Variants in CRB1 observed in about 807,000 individuals in gnomAD.
CRB1 encodes the protein crumbs cell polarity complex component 1.
CRB1 carries 83 observed loss-of-function variants against 120.0 expected under a neutral mutation model. The ratio of observed to expected loss-of-function variants is 0.69; its 90% CI spans 0.58 to 0.83. The LOEUF (loss-of-function observed/expected upper bound fraction) is 0.83. Ranked by LOEUF, CRB1 falls within the 40% of genes least tolerant of loss-of-function variation. The pLI is 0.00. For synonymous variants in CRB1, 625 were observed against 612.5 expected, an observed-to-expected ratio of 1.02 and a Z score of -0.30; for missense variants, 1,699 against 1,687.6, an observed-to-expected ratio of 1.01 and a Z score of -0.12.
rs1216212132 is a variant in CRB1 at position 197,328,585 on chromosome 1, C to G, written c.234C>G (p.Pro78=). The G allele has an allele frequency of 1.2e-6, 2 of 1,614,226 alleles. No homozygotes were observed. The highest frequency in any genetic ancestry group is 1.7e-6 in the Non-Finnish European group (2 of 1,180,030). ...DNMKDPCFSN[P]CQGSATCVNT... ...TGAAAGACCCTTGCTTCTCCAATCC[C>G]TGTCAAGGAAGTGCCACTTGTGTGA... is the stretch of plus-strand genomic sequence containing the variant. The change falls in exon 2 of 12, where the codon CCC becomes CCG. Residue 78 remains proline (P), a synonymous_variant. Coordinates refer to ENST00000367400, the MANE Select transcript of CRB1 (RefSeq NM_201253.3).
intron 5 of CRB1, among the ~76,000 whole-genome samples, chr1:197,397,753 A>T (rs916109050): frequency 6.6e-6 from 1 of 152,190 alleles, no homozygotes; most frequent in African/African-American, 2.4e-5. Flanking sequence ...GCATCTGGAA[A>T]GGGTAAAATT....
upstream of CRB1, among the ~76,000 whole-genome samples, chr1:197,265,620 A>G (rs949241373): frequency 6.6e-6 from 1 of 152,202 alleles, no homozygotes. Flanking sequence ...TGTTTCTTGT[A>G]TAGGTGCCCT....
At chr1:197,438,805 A>G in intron 10 of CRB1, 130 bp downstream of exon 10, 1 of 1,136,432 alleles carries the variant, frequency 8.8e-7, no homozygotes, top group Non-Finnish European at 1.3e-6. Flanking sequence ...ATAGAGGTTC[A>G]GACAGAATGA....
At chr1:197,375,534 A>G (rs528793798) in intron 5 of CRB1, among the ~76,000 whole-genome samples, 5 of 152,124 alleles carry the variant, frequency 3.3e-5, no homozygotes, top group Non-Finnish European at 2.9e-5. Context: ...ACAACCAACA[A>G]GAATTGCAGT....
intron 5 of CRB1, among the ~76,000 whole-genome samples, chr1:197,397,584 G>A (rs1165057321): frequency 6.6e-6 from 1 of 152,066 alleles, no homozygotes; most frequent in East Asian, 1.9e-4. Flanking sequence ...GTTACTGAAT[G>A]GATAAACAGT....
intron 4 of CRB1, among the ~76,000 whole-genome samples, chr1:197,354,411 T>C (rs551545819): frequency 6.6e-5 from 10 of 151,948 alleles, no homozygotes; most frequent in Non-Finnish European, 1.5e-4. Context: ...TCGCAGTGAG[T>C]GTTACAGTTC....
chr1:197,254,158 T>A, the CRB1 span, among the ~76,000 whole-genome samples: 1,080 of 152,148 alleles, frequency 7.1e-3, 16 homozygotes, highest in African/African-American at 0.022. Flanking sequence ...GCCACCGCAC[T>A]TGTATTTGAT....
chr1:197,416,367 G>A (rs968964012), intron 5 of CRB1, among the ~76,000 whole-genome samples: 3 of 152,098 alleles, frequency 2.0e-5, no homozygotes, highest in African/African-American at 7.2e-5. Flanking sequence ...TGTTGCCTGA[G>A]TTTTATTCTC....
intron 11 of CRB1, among the ~76,000 whole-genome samples, chr1:197,475,906 GTTTTGT>G (rs946855326): frequency 5.3e-4 from 80 of 152,064 alleles, no homozygotes; most frequent in African/African-American, 1.0e-3. Flanking sequence ...TGCGTTTTAT[GTTTTGT>G]TTTTGTTTTT....
intron 4 of CRB1, among the ~76,000 whole-genome samples, chr1:197,350,085 C>T (rs977479483): frequency 2.1e-5 from 3 of 143,722 alleles, no homozygotes; most frequent in Admixed American, 7.2e-5. Flanking sequence ...CCGGCCTGGG[C>T]GACAGAGCGA....
At chr1:197,469,040 G>A (rs774692413) in intron 11 of CRB1, among the ~76,000 whole-genome samples, 1 of 151,972 alleles carries the variant, frequency 6.6e-6, no homozygotes, top group Admixed American at 6.6e-5. Context: ...TGAGGAAATG[G>A]GACTCATTAA....
At chr1:197,374,191 A>G (rs1171748198) in intron 5 of CRB1, among the ~76,000 whole-genome samples, 1 of 152,196 alleles carries the variant, frequency 6.6e-6, no homozygotes, top group African/African-American at 2.4e-5. Flanking sequence ...CCATCTAGAT[A>G]GATGCTGGGT....
At chr1:197,345,855 A>T (rs944227711) in intron 3 of CRB1, among the ~76,000 whole-genome samples, 2 of 152,188 alleles carry the variant, frequency 1.3e-5, no homozygotes, top group African/African-American at 2.4e-5. Context: ...TTTAAAATAT[A>T]ACTTTTAATT....
Position 197,349,629 on chromosome 1 carries a change from C to T in CRB1, c.988+2150C>T, listed in dbSNP as rs756998204. Among the ~76,000 whole-genome samples, 172 of 152,208 alleles carry T rather than the reference C, an allele frequency of 1.1e-3. 1 individual carries two copies. The highest frequency in any genetic ancestry group is 1.0e-3 in the Non-Finnish European group (69 of 68,016). On this transcript the variant is annotated intron_variant, in intron 4 of 11. Coordinates refer to ENST00000367400, the MANE Select transcript of CRB1 (RefSeq NM_201253.3). Reference sequence around the variant, plus strand: ...TAGTAGCTTCTGGTTGAAAGATATCCTATTGCCTAAGAGACATTTAACATC... The same window carrying T: ...TAGTAGCTTCTGGTTGAAAGATATCTTATTGCCTAAGAGACATTTAACATC...
At chr1:197,453,210 G>C (rs571172809) in intron 11 of CRB1, among the ~76,000 whole-genome samples, 1 of 149,872 alleles carries the variant, frequency 6.7e-6, no homozygotes, top group South Asian at 2.1e-4. Flanking sequence ...TGAGTGCTAG[G>C]AGCTAGGGGG....
intron 11 of CRB1, among the ~76,000 whole-genome samples, chr1:197,474,828 A>G (rs1417023728): frequency 6.6e-6 from 1 of 152,214 alleles, no homozygotes; most frequent in Non-Finnish European, 1.5e-5. Flanking sequence ...ATCAACATCT[A>G]AGAACAAGAG....
chr1:197,462,672 A>G (rs1406715183), intron 11 of CRB1, among the ~76,000 whole-genome samples: 1 of 152,208 alleles, frequency 6.6e-6, no homozygotes, highest in Non-Finnish European at 1.5e-5. Context: ...AAATTGATGT[A>G]TAATTTTTAA....
chr1:197,342,089 T>C (rs920004558), intron 2 of CRB1, among the ~76,000 whole-genome samples: 3 of 152,236 alleles, frequency 2.0e-5, no homozygotes, highest in Admixed American at 6.5e-5. Flanking sequence ...ATTGGAATTG[T>C]ATGGACCATG....
the CRB1 span, among the ~76,000 whole-genome samples, chr1:197,252,576 ATATATATGTGTGTGTGTG>A: frequency 8.8e-4 from 31 of 35,056 alleles, 1 homozygote; most frequent in East Asian, 2.3e-3. Flanking sequence ...ATATATATAT[ATATATATGTGTGTGTGTG>A]TGTGTGTGTG....
Sources: gnomAD v4.1 joint callset for allele counts (sites outside exome capture counted in the v4.1 genomes callset) on GRCh38, gnomAD v4.1.1 for gene constraint, MANE v1.5 for transcripts, NCBI Gene and HGNC (gene_info 2026-07-23, HGNC 2026-07-21) for gene names.